The following IL7 variants were observed in gnomAD, a reference collection of about 807,000 sequenced individuals.
The protein encoded by IL7 is interleukin-7.
In IL7, 3 loss-of-function variants were observed where a neutral mutation model predicts 21.6. That is an observed-to-expected ratio of 0.14 (90% confidence interval 0.06 to 0.36). The LOEUF (loss-of-function observed/expected upper bound fraction) is 0.36, where lower values mean the gene tolerates loss of function less well. Among genes scored for constraint, IL7 ranks in the 10% least tolerant of loss-of-function variants. IL7 has a pLI of 1.00. For missense variants in IL7, 175 were observed against 200.2 expected (o/e 0.87, Z 0.76); for synonymous variants, 62 against 68.1 (o/e 0.91, Z 0.44).
chr8:78,801,765 A>T (rs542565087), intron 1 of IL7, among the ~76,000 whole-genome samples: 5 of 152,314 alleles, frequency 3.3e-5, no homozygotes, highest in African/African-American at 1.2e-4. Context: ...AACTCTTTAG[A>T]TCTGAAATTG....
chr8:78,681,796 A>G (rs1809791609), intron 4 of IL7, among the ~76,000 whole-genome samples: 1 of 151,808 alleles, frequency 6.6e-6, no homozygotes, highest in Admixed American at 6.6e-5. Context: ...TAATTATTAA[A>G]TTTATTGGCA....
At chr8:78,776,032 T>A (rs1210396080) in intron 2 of IL7, among the ~76,000 whole-genome samples, 2 of 152,028 alleles carry the variant, frequency 1.3e-5, no homozygotes, top group African/African-American at 4.8e-5. Flanking sequence ...ATGCGGTACT[T>A]TTCTTCCTAT....
intron 2 of IL7, among the ~76,000 whole-genome samples, chr8:78,751,004 C>T (rs972501397): frequency 1.9e-4 from 28 of 150,362 alleles, no homozygotes; most frequent in African/African-American, 6.8e-4. Flanking sequence ...TTGATGGGCT[C>T]ATTAGTAGAC....
At chr8:78,799,028 T>A (rs1177081278) in intron 1 of IL7, among the ~76,000 whole-genome samples, 1 of 152,112 alleles carries the variant, frequency 6.6e-6, no homozygotes, top group Admixed American at 6.5e-5. Flanking sequence ...GGCAGAAAGA[T>A]GGAAAGCCAG....
At chr8:78,758,767 A>G (rs1212101605) in intron 2 of IL7, among the ~76,000 whole-genome samples, 1 of 152,006 alleles carries the variant, frequency 6.6e-6, no homozygotes, top group Admixed American at 6.6e-5. Flanking sequence ...TTCTCTTGCT[A>G]TTTTTAAAAT....
downstream of IL7, among the ~76,000 whole-genome samples, chr8:78,713,590 G>C (rs1022586776): frequency 4.6e-5 from 7 of 152,138 alleles, no homozygotes; most frequent in African/African-American, 1.7e-4. Flanking sequence ...CACAAGAGTA[G>C]AGTAAACCTC....
At chr8:78,698,259 C>T (rs542904570) in intron 3 of IL7, among the ~76,000 whole-genome samples, 31 of 152,266 alleles carry the variant, frequency 2.0e-4, no homozygotes, top group African/African-American at 7.0e-4. Context: ...TGCTATATGT[C>T]GTCCTCTGGA....
chr8:78,718,678 A>G (rs372783221), intron 6 of IL7: 1 of 151,838 alleles, frequency 6.6e-6, no homozygotes, highest in African/African-American at 2.4e-5. Context: ...CATACACACA[A>G]ATTTAATTAT....
At chr8:78,703,081 G>A (rs34540619) in intron 3 of IL7, among the ~76,000 whole-genome samples, 8,732 of 151,978 alleles carry the variant, frequency 0.057, 374 homozygotes, top group Middle Eastern at 0.11. Flanking sequence ...ATTTTTAGTA[G>A]AGATAGGGTT....
intron 3 of IL7, among the ~76,000 whole-genome samples, chr8:78,686,954 A>G (rs1810000016): frequency 6.6e-6 from 1 of 152,156 alleles, no homozygotes; most frequent in South Asian, 2.1e-4. Context: ...CAGGAGTCAT[A>G]TAATTATGTT....
At chr8:78,724,428 A>C (rs958881730) in intron 3 of IL7, among the ~76,000 whole-genome samples, 1 of 151,940 alleles carries the variant, frequency 6.6e-6, no homozygotes, top group African/African-American at 2.4e-5. Flanking sequence ...TTTTTTAAAA[A>C]AGTTTTATTT....
At chr8:78,787,610 A>G (rs1813555142) in intron 2 of IL7, among the ~76,000 whole-genome samples, 1 of 152,070 alleles carries the variant, frequency 6.6e-6, no homozygotes, top group African/African-American at 2.4e-5. Context: ...GGCCTGCATG[A>G]GGAAAGAGTG....
chr8:78,758,859 G>T (rs888091186), intron 2 of IL7, among the ~76,000 whole-genome samples: 2 of 151,940 alleles, frequency 1.3e-5, no homozygotes, highest in Admixed American at 6.6e-5. Flanking sequence ...TCTACTAGTA[G>T]ATATTTTAGC....
chr8:78,804,296 AAAAAC>A (rs1814214242), intron 1 of IL7, among the ~76,000 whole-genome samples: 1 of 152,156 alleles, frequency 6.6e-6, no homozygotes, highest in African/African-American at 2.4e-5. Context: ...ACAAAAACAA[AAAAAC>A]CCAGAAGCTG....
intron 2 of IL7, among the ~76,000 whole-genome samples, chr8:78,754,364 C>G (rs1285452975): frequency 6.6e-6 from 1 of 152,116 alleles, no homozygotes; most frequent in African/African-American, 2.4e-5. Flanking sequence ...AGGAGAACTA[C>G]AAACCACTGC....
intron 2 of IL7, among the ~76,000 whole-genome samples, chr8:78,771,713 A>T (rs2919935): frequency 0.17 from 26,106 of 152,056 alleles, 3,272 homozygotes; most frequent in African/African-American, 0.34. Flanking sequence ...ACATGAAAGC[A>T]TACTGACACA....
In IL7 at chr8:78,686,262, CACTT is replaced by C. The variant is rs559631846; in HGVS notation, n.215-319_215-316del. ...AGTTTAGTAGTGTCTTTCGCGATGA[CACTT>C]ACATTAAGAAATTGAATATAAAATT... On this transcript the variant is annotated intron_variant and non_coding_transcript_variant, in intron 3 of 4. Coordinates refer to the IL7 transcript ENST00000523959. 3.3e-5 allele frequency among the ~76,000 whole-genome samples: 5 copies of C among 152,220 alleles called. No homozygotes were observed. The East Asian group carries it at 5.8e-4, about 18-fold the overall frequency.
Position 78,798,788 on chromosome 8 carries a change from G to A in IL7, c.11-580C>T, listed in dbSNP as rs760739529. Among the ~76,000 whole-genome samples, 53 of 152,078 alleles carry A rather than the reference G, an allele frequency of 3.5e-4. 1 individual carries two copies. Among genetic ancestry groups the A allele is most frequent in the Non-Finnish European group, 6.2e-4 (42 of 67,916 alleles). ...CAAAAGTCTTACAAAGTTTATGTTTGTATTTTGGGACTACTCTCCTATCCT... is the reference window on the plus strand; with the variant it reads ...CAAAAGTCTTACAAAGTTTATGTTTATATTTTGGGACTACTCTCCTATCCT... On this transcript the variant is annotated intron_variant, in intron 1 of 5. Coordinates refer to ENST00000263851, the MANE Select transcript of IL7 (RefSeq NM_000880.4).
chr8:78,711,978 A>G (rs1002604853), intron 3 of IL7: 2 of 1,284,050 alleles, frequency 1.6e-6, no homozygotes, highest in South Asian at 1.2e-5. Context: ...ACACCTTTAT[A>G]TATTTTAATA....
Sources: allele counts gnomAD v4.1 joint callset (sites outside exome capture counted in the v4.1 genomes callset), GRCh38; gene constraint gnomAD v4.1.1; transcripts MANE v1.5; gene names NCBI Gene and HGNC (gene_info 2026-07-23, HGNC 2026-07-21).